The following IFT74 variants were observed in gnomAD, a reference collection of about 807,000 sequenced individuals.
The protein encoded by IFT74 is intraflagellar transport 74, also known as intraflagellar transport protein 74 homolog.
Under a neutral mutation model 96.7 loss-of-function variants are expected in IFT74, and 92 were observed. The observed-to-expected ratio is 0.95, with a 90% CI of 0.80 to 1.13. IFT74 has a LOEUF of 1.13. IFT74 is among the 50% of genes most tolerant of loss of function. The probability of loss-of-function intolerance (pLI) is 0.00; values close to 1 mark genes in which losing one functional copy is unlikely to be tolerated. For missense variants in IFT74, 811 were observed against 698.2 expected (o/e 1.16, Z -1.82); for synonymous variants, 223 against 213.2 (o/e 1.05, Z -0.40).
intron 12 of IFT74, among the ~76,000 whole-genome samples, chr9:27,027,636 T>A (rs1019140860): frequency 6.6e-6 from 1 of 152,196 alleles, no homozygotes; most frequent in Non-Finnish European, 1.5e-5. Context: ...TTAGTTCATT[T>A]GCTCATTTTT....
At chr9:26,998,790 C>G (rs959340235) in intron 8 of IFT74, among the ~76,000 whole-genome samples, 8 of 151,382 alleles carry the variant, frequency 5.3e-5, no homozygotes, top group African/African-American at 1.9e-4. Flanking sequence ...TCAAGACCAG[C>G]CTGTCCAACA....
chr9:27,020,886 A>AC (rs1829568513), intron 12 of IFT74, among the ~76,000 whole-genome samples: 1 of 151,572 alleles, frequency 6.6e-6, no homozygotes, highest in South Asian at 2.1e-4. Context: ...AGCAGTGTCC[A>AC]CTCTACCCAC....
intron 11 of IFT74, 24 bp from the exon 12 acceptor site, chr9:27,018,623 T>C (rs1323442091): frequency 1.5e-6 from 2 of 1,375,582 alleles, no homozygotes; most frequent in South Asian, 1.3e-5. Context: ...TTTTAAATAC[T>C]ACTTTCTTTT....
rs753366956 is a variant in IFT74 at position 27,044,738 on chromosome 9, A to T, written c.1055-4A>T. The T allele has an allele frequency of 2.6e-6, 4 of 1,551,336 alleles. No individual in the cohort carries two copies. The highest frequency in any genetic ancestry group is 2.3e-5 in the East Asian group (1 of 44,338). ...ATTCATGTTGTATTTTATATCTCTC[A>T]TAGGTGAAATGAACCAGAAATACAA... On this transcript the variant is annotated splice_region_variant and splice_polypyrimidine_tract_variant and intron_variant, in intron 13 of 19. Transcript: ENST00000380062.
intron 13 of IFT74, among the ~76,000 whole-genome samples, chr9:27,038,551 A>G (rs1274082477): frequency 6.6e-6 from 1 of 152,210 alleles, no homozygotes; most frequent in African/African-American, 2.4e-5. Context: ...TGCTGGGATT[A>G]CAGGCGTGAG....
chr9:26,958,554 A>G (rs1420034646), intron 1 of IFT74, among the ~76,000 whole-genome samples: 1 of 152,244 alleles, frequency 6.6e-6, no homozygotes, highest in Non-Finnish European at 1.5e-5. Context: ...CAGTAGAACT[A>G]TGTGACCAGC....
At chr9:27,039,169 A>G (rs940643052) in intron 13 of IFT74, among the ~76,000 whole-genome samples, 4 of 152,148 alleles carry the variant, frequency 2.6e-5, no homozygotes, top group African/African-American at 9.7e-5. Flanking sequence ...CAAGAGAGAA[A>G]AGCGACAGTT....
intron 8 of IFT74, among the ~76,000 whole-genome samples, chr9:27,004,405 C>G (rs565438205): frequency 6.6e-6 from 1 of 152,262 alleles, no homozygotes; most frequent in South Asian, 2.1e-4. Context: ...CTGTGAAATA[C>G]ATTGATTGAT....
At chr9:27,031,786 A>G (rs898511603) in intron 13 of IFT74, among the ~76,000 whole-genome samples, 3 of 140,618 alleles carry the variant, frequency 2.1e-5, no homozygotes, top group African/African-American at 7.9e-5. Flanking sequence ...TAAAATAAAT[A>G]AAATAAAATG....
intron 2 of IFT74, among the ~76,000 whole-genome samples, chr9:26,962,997 G>A (rs1826436237): frequency 6.9e-6 from 1 of 144,636 alleles, no homozygotes; most frequent in Admixed American, 7.0e-5. Flanking sequence ...TAGGGTACAT[G>A]TGCACATTGT....
chr9:26,966,507 G>GT (rs1270468837), intron 2 of IFT74, among the ~76,000 whole-genome samples: 1 of 151,772 alleles, frequency 6.6e-6, no homozygotes, highest in Non-Finnish European at 1.5e-5. Flanking sequence ...CCTTTTGCCC[G>GT]TTTTTTATTG....
At chr9:26,947,145 A>T in exon 1 of IFT74, 1 of 1,339,066 alleles carries the variant, frequency 7.5e-7, no homozygotes, top group Non-Finnish European at 9.7e-7. Flanking sequence ...AAGAGCCTGC[A>T]GGTAAGGGGC....
intron 2 of IFT74, chr9:26,976,437 T>G (rs566476504): frequency 3.7e-5 from 7 of 187,180 alleles, no homozygotes; most frequent in African/African-American, 1.6e-4. Context: ...CTAATGTGAC[T>G]CCTGCCCTCG....
Position 27,063,150 on chromosome 9 carries a change from A to G in IFT74, c.*414A>G, listed in dbSNP as rs1487262396. ...TTTACTTCTAGAAAAAATTAGTAAG[A>G]TTAGAAGGGAGATTTTTAGCTTTGA... On this transcript the variant is annotated 3_prime_UTR_variant, in exon 20 of 20. Transcript: ENST00000380062. Among the ~76,000 whole-genome samples, 1 of 152,152 alleles carries G rather than the reference A, an allele frequency of 6.6e-6. No individual in the cohort carries two copies. The highest frequency in any genetic ancestry group is 6.5e-5 in the Admixed American group (1 of 15,268).
At chr9:26,952,553 A>G (rs1825967837), upstream of IFT74, among the ~76,000 whole-genome samples, 1 of 152,224 alleles carries the variant, frequency 6.6e-6, no homozygotes, top group Non-Finnish European at 1.5e-5. Context: ...CTGGGATTAC[A>G]GGCGTGAGCC....
chr9:26,956,816 T>C (rs1405569782), intron 1 of IFT74, among the ~76,000 whole-genome samples: 1 of 152,232 alleles, frequency 6.6e-6, no homozygotes, highest in Admixed American at 6.5e-5. Context: ...TTCTGCCTCT[T>C]ACAGTGGAAG....
intron 1 of IFT74, among the ~76,000 whole-genome samples, chr9:26,957,169 C>G (rs576769470): frequency 6.6e-6 from 1 of 152,266 alleles, no homozygotes; most frequent in East Asian, 1.9e-4. Context: ...ATTGAATAAC[C>G]CCGAAGTTAG....
At chr9:27,019,655 A>T (rs896382743) in intron 12 of IFT74, among the ~76,000 whole-genome samples, 5 of 151,844 alleles carry the variant, frequency 3.3e-5, no homozygotes, top group African/African-American at 1.2e-4. Flanking sequence ...TTGTATGGAT[A>T]TACCATATTT....
intron 1 of IFT74, among the ~76,000 whole-genome samples, chr9:26,957,125 C>A (rs1305991364): frequency 6.6e-6 from 1 of 152,142 alleles, no homozygotes; most frequent in Non-Finnish European, 1.5e-5. Context: ...GGCTGCCTCT[C>A]TGTGTGAATA....
Sources: allele counts gnomAD v4.1 joint callset (sites outside exome capture counted in the v4.1 genomes callset), GRCh38; gene constraint gnomAD v4.1.1; transcripts MANE v1.5; gene names NCBI Gene and HGNC (gene_info 2026-07-23, HGNC 2026-07-21).